Variants in MAGOHB observed in about 807,000 individuals in gnomAD.
MAGOHB encodes protein mago nashi homolog 2.
MAGOHB carries 15 observed loss-of-function variants against 20.9 expected under a neutral mutation model. The ratio of observed to expected loss-of-function variants is 0.72; its 90% CI spans 0.48 to 1.11. MAGOHB has a LOEUF of 1.11. Among genes scored for constraint, MAGOHB ranks in the 50% least tolerant of loss-of-function variants. The pLI, the probability that MAGOHB is intolerant of heterozygous loss-of-function variation, is 0.00. For missense variants in MAGOHB, 162 were observed against 177.6 expected (o/e 0.91, Z 0.50); for synonymous variants, 50 against 57.9 (o/e 0.86, Z 0.62).
downstream of MAGOHB, chr12:10,599,714 T>C (rs1470204917): frequency 6.6e-6 from 1 of 151,678 alleles, no homozygotes. Flanking sequence ...AATTGTATCA[T>C]GAAAGCTGGT....
intron 3 of MAGOHB, 50 bp from the exon 4 acceptor site, chr12:10,607,986 G>A: frequency 8.7e-7 from 1 of 1,145,776 alleles, no homozygotes; most frequent in Non-Finnish European, 1.3e-6. Context: ...CTATCCCAGA[G>A]GTATCTGTAT....
intron 4 of MAGOHB, among the ~76,000 whole-genome samples, chr12:10,607,582 A>G (rs1018383490): frequency 6.6e-6 from 1 of 152,228 alleles, no homozygotes; most frequent in Non-Finnish European, 1.5e-5. Context: ...CTGATACTGT[A>G]TCCACATTTT....
intron 1 of MAGOHB, chr12:10,612,623 C>T: frequency 1.8e-6 from 2 of 1,082,902 alleles, no homozygotes; most frequent in Non-Finnish European, 2.3e-6. Context: ...TTAAATTTGT[C>T]TTACTCATTA....
chr12:10,603,963 TAATA>T (rs1043428282), downstream of MAGOHB, among the ~76,000 whole-genome samples: 2 of 152,168 alleles, frequency 1.3e-5, no homozygotes, highest in African/African-American at 2.4e-5. Context: ...TCAGTTACAT[TAATA>T]TTTACATTAA....
chr12:10,606,450 A>G, intron 4 of MAGOHB, 76 bp from the exon 5 acceptor site: 1 of 752,778 alleles, frequency 1.3e-6, no homozygotes, highest in Non-Finnish European at 2.2e-6. Flanking sequence ...AACAAAACAA[A>G]TCAAAATCTC....
At chr12:10,610,577 C>CAAAAAAAAAA (rs541042923) in intron 2 of MAGOHB, 45 bp downstream of exon 2, 42 of 727,944 alleles carry the variant, frequency 5.8e-5, no homozygotes, top group South Asian at 2.3e-4. Context: ...GGGCTAAATG[C>CAAAAAAAAAA]AAAAAAAAAA....
chr12:10,603,077 G>A (rs957208179), downstream of MAGOHB, among the ~76,000 whole-genome samples: 2 of 152,022 alleles, frequency 1.3e-5, no homozygotes, highest in Non-Finnish European at 2.9e-5. Flanking sequence ...AAGATAAAAC[G>A]AGGCCGAAGC....
At chr12:10,601,674 G>A (rs895633079), downstream of MAGOHB, among the ~76,000 whole-genome samples, 9 of 152,072 alleles carry the variant, frequency 5.9e-5, no homozygotes, top group Admixed American at 4.6e-4. Flanking sequence ...ATATATGGTG[G>A]GCTCTCATAA....
chr12:10,608,157 G>C (rs1200537824), intron 3 of MAGOHB: 2 of 360,948 alleles, frequency 5.5e-6, no homozygotes, highest in Non-Finnish European at 9.9e-6. Flanking sequence ...GACCAACAAA[G>C]AATTGCTTTC....
chr12:10,610,926 G>C (rs966377262), intron 1 of MAGOHB, among the ~76,000 whole-genome samples: 1 of 152,084 alleles, frequency 6.6e-6, no homozygotes, highest in Non-Finnish European at 1.5e-5. Context: ...CATTTTTAAG[G>C]CCTATTTTCT....
downstream of MAGOHB, among the ~76,000 whole-genome samples, chr12:10,601,127 A>C (rs1370605216): frequency 1.3e-5 from 2 of 152,140 alleles, no homozygotes; most frequent in Non-Finnish European, 2.9e-5. Flanking sequence ...AAAATAATAA[A>C]TAAAGGAAGT....
chr12:10,609,787 C>A, intron 3 of MAGOHB, 44 bp downstream of exon 3: 1 of 1,213,406 alleles, frequency 8.2e-7, no homozygotes, highest in Non-Finnish European at 1.2e-6. Flanking sequence ...ATAGTATTAT[C>A]AATTTTTAAT....
downstream of MAGOHB, among the ~76,000 whole-genome samples, chr12:10,601,659 G>A (rs1344544581): frequency 6.6e-6 from 1 of 152,156 alleles, no homozygotes; most frequent in African/African-American, 2.4e-5. Flanking sequence ...ACTACAACCT[G>A]GCATATATAT....
chr12:10,612,246 A>ATAACAT (rs1555146634), intron 1 of MAGOHB, among the ~76,000 whole-genome samples: 42 of 137,974 alleles, frequency 3.0e-4, no homozygotes, highest in South Asian at 6.9e-4. Flanking sequence ...ATAACATAAC[A>ATAACAT]TAATTAGCTG....
At position 10,604,987 on chromosome 12, in the gene MAGOHB, C is replaced by A. The variant is rs1865599056; in HGVS notation, c.*1288G>T. 6.6e-6 allele frequency: 1 copy of A among 151,858 alleles called. No homozygotes were observed. The highest frequency in any genetic ancestry group is 6.6e-5 in the Admixed American group (1 of 15,264). The allele number at this position is 151,858 out of a possible 1,614,324, so 9.4% of individuals were successfully genotyped here. On this transcript the variant is annotated 3_prime_UTR_variant, in exon 5 of 5. Transcript: ENST00000320756. ...AAGTAGTTTATTGGCACCAATTACA[C>A]CAGTTAAGTGAAAAACCAAGATTTA...
chr12:10,611,959 G>A (rs1266635059), intron 1 of MAGOHB, among the ~76,000 whole-genome samples: 1 of 151,888 alleles, frequency 6.6e-6, no homozygotes, highest in Non-Finnish European at 1.5e-5. Flanking sequence ...CGCAGGCAGA[G>A]GAACTGAAAA....
Position 10,606,225 on chromosome 12 carries a change from A to T in MAGOHB, c.*50T>A. The T allele has an allele frequency of 1.1e-6, 1 of 944,482 alleles. No homozygotes were observed. The highest frequency in any genetic ancestry group is 1.6e-6 in the Non-Finnish European group (1 of 631,400). 58.5% of individuals were successfully genotyped at this position (944,482 alleles called of 1,614,324 possible). A position where few individuals can be genotyped will look rare whatever the true frequency, so the allele number is the denominator to read the frequency against. On this transcript the variant is annotated 3_prime_UTR_variant, in exon 5 of 5. Transcript: ENST00000320756. ...ACCCCAATACTGTAAATGACAAATAACCCCTCCCATCCCTTAATTAAATAT... is the reference window on the plus strand; with the variant it reads ...ACCCCAATACTGTAAATGACAAATATCCCCTCCCATCCCTTAATTAAATAT...
downstream of MAGOHB, among the ~76,000 whole-genome samples, chr12:10,602,482 G>A (rs909778531): frequency 6.6e-6 from 1 of 152,154 alleles, no homozygotes; most frequent in African/African-American, 2.4e-5. Flanking sequence ...AGCACCAGAA[G>A]ATAACAGTAA....
At chr12:10,612,571 A>T in intron 1 of MAGOHB, 1 of 693,532 alleles carries the variant, frequency 1.4e-6, no homozygotes. Flanking sequence ...ACTGCTTTAT[A>T]GTTAAATGTC....
Sources: gnomAD v4.1 joint callset for allele counts (sites outside exome capture counted in the v4.1 genomes callset) on GRCh38, gnomAD v4.1.1 for gene constraint, MANE v1.5 for transcripts, NCBI Gene and HGNC (gene_info 2026-07-23, HGNC 2026-07-21) for gene names.